FBXL13: variants seen among roughly 807,000 people sequenced by gnomAD.
FBXL13 encodes the protein F-box and leucine-rich repeat protein 13.
In FBXL13, 67 loss-of-function variants were observed where a neutral mutation model predicts 83.6. The ratio of observed to expected loss-of-function variants is 0.80; its 90% CI spans 0.66 to 0.98. FBXL13 has a LOEUF of 0.98. Ranked by LOEUF, FBXL13 falls within the 50% of genes least tolerant of loss-of-function variation. The pLI is 0.00. For missense variants in FBXL13, 822 were observed against 866.5 expected (o/e 0.95, Z 0.64); for synonymous variants, 272 against 299.5 (o/e 0.91, Z 0.95).
intron 6 of FBXL13, among the ~76,000 whole-genome samples, chr7:102,979,682 G>A (rs1361241885): frequency 1.3e-5 from 2 of 152,178 alleles, no homozygotes; most frequent in African/African-American, 4.8e-5. Flanking sequence ...GGTGGTGAGT[G>A]TACAGTTGCT....
chr7:103,032,165 C>A (rs1341769681), intron 2 of FBXL13, among the ~76,000 whole-genome samples: 3 of 152,156 alleles, frequency 2.0e-5, no homozygotes, highest in Non-Finnish European at 4.4e-5. Context: ...AGCATGATTA[C>A]AACCCAGTCC....
chr7:102,844,755 G>A (rs1341304196), intron 17 of FBXL13, among the ~76,000 whole-genome samples: 1 of 152,126 alleles, frequency 6.6e-6, no homozygotes, highest in Admixed American at 6.5e-5. Flanking sequence ...CAGGTTAAGA[G>A]CCCAATCCCA....
chr7:102,926,956 A>G (rs1818257355), intron 9 of FBXL13, among the ~76,000 whole-genome samples: 2 of 152,202 alleles, frequency 1.3e-5, no homozygotes, highest in African/African-American at 4.8e-5. Context: ...AATAGAGGCT[A>G]CATACCAGTT....
intron 11 of FBXL13, 90 bp from the exon 13 acceptor site, chr7:102,884,402 G>A (rs986617918): frequency 2.3e-6 from 2 of 888,022 alleles, no homozygotes; most frequent in African/African-American, 1.7e-5. Context: ...CCATAATTTT[G>A]TTACTATGTT....
At chr7:102,844,606 C>T (rs945318885) in intron 17 of FBXL13, among the ~76,000 whole-genome samples, 3 of 152,154 alleles carry the variant, frequency 2.0e-5, no homozygotes, top group African/African-American at 7.2e-5. Flanking sequence ...AGTCACACCA[C>T]TCTCAATACT....
chr7:102,836,441 C>G (rs564404795), intron 17 of FBXL13, among the ~76,000 whole-genome samples: 1 of 152,184 alleles, frequency 6.6e-6, no homozygotes, highest in East Asian at 1.9e-4. Flanking sequence ...CATTTCCCCC[C>G]TACAGATAAG....
At chr7:103,034,636 A>T (rs1320769677) in intron 2 of FBXL13, among the ~76,000 whole-genome samples, 1 of 152,208 alleles carries the variant, frequency 6.6e-6, no homozygotes, top group Non-Finnish European at 1.5e-5. Context: ...TGGCCAGCCC[A>T]GAAAGGGGAT....
At chr7:103,023,193 G>A (rs1166433159) in intron 6 of FBXL13, among the ~76,000 whole-genome samples, 6 of 152,082 alleles carry the variant, frequency 3.9e-5, no homozygotes, top group East Asian at 1.9e-4. Flanking sequence ...GGAGAATGCC[G>A]TGAAACCGGG....
intron 9 of FBXL13, among the ~76,000 whole-genome samples, chr7:102,927,649 T>C (rs1818377130): frequency 6.6e-6 from 1 of 152,176 alleles, no homozygotes; most frequent in African/African-American, 2.4e-5. Flanking sequence ...GTGATTCTGC[T>C]ATAGGGAAGG....
At chr7:102,971,452 C>G (rs1471256713) in intron 6 of FBXL13, among the ~76,000 whole-genome samples, 1 of 151,922 alleles carries the variant, frequency 6.6e-6, no homozygotes, top group Non-Finnish European at 1.5e-5. Flanking sequence ...ACAAAATTAG[C>G]CAGGCGTGGT....
intron 1 of FBXL13, among the ~76,000 whole-genome samples, chr7:103,074,023 C>T (rs546363677): frequency 2.2e-4 from 33 of 152,318 alleles, no homozygotes; most frequent in African/African-American, 7.9e-4. Flanking sequence ...ACCCCCAAAC[C>T]TACAAAACCT....
At chr7:102,856,903 A>G (rs1218005777) in intron 16 of FBXL13, among the ~76,000 whole-genome samples, 3 of 152,190 alleles carry the variant, frequency 2.0e-5, no homozygotes, top group Admixed American at 2.0e-4. Flanking sequence ...TATACCCAAA[A>G]ACAGTGAAAA....
intron 4 of FBXL13, among the ~76,000 whole-genome samples, chr7:103,027,914 G>T (rs1794119117): frequency 6.6e-6 from 1 of 152,098 alleles, no homozygotes; most frequent in Non-Finnish European, 1.5e-5. Flanking sequence ...CAATGCCTTT[G>T]AATTTAATTT....
At chr7:102,941,925 TCTA>T (rs1265194562) in intron 8 of FBXL13, among the ~76,000 whole-genome samples, 3 of 152,154 alleles carry the variant, frequency 2.0e-5, no homozygotes, top group Admixed American at 6.5e-5. Flanking sequence ...TTGCCTTGCT[TCTA>T]CTGATGTTTT....
chr7:103,024,857 A>ATATATATATATATTT (rs1298384907), intron 6 of FBXL13, among the ~76,000 whole-genome samples: 2 of 62,852 alleles, frequency 3.2e-5, no homozygotes, highest in African/African-American at 1.8e-4. Flanking sequence ...ATATATATAT[A>ATATATATATATATTT]TTTTTTTTTT....
At chr7:102,827,780 G>T (rs1409495007) in intron 18 of FBXL13, among the ~76,000 whole-genome samples, 1 of 151,960 alleles carries the variant, frequency 6.6e-6, no homozygotes, top group Admixed American at 6.6e-5. Flanking sequence ...TGCAGTGTTT[G>T]GTTTTTTGTC....
chr7:102,877,685 G>T, intron 15 of FBXL13, 92 bp from the exon 17 acceptor site: 1 of 1,308,316 alleles, frequency 7.6e-7, no homozygotes, highest in Non-Finnish European at 1.0e-6. Flanking sequence ...GAAAACAAAT[G>T]GTATTGAAGC....
intron 10 of FBXL13, among the ~76,000 whole-genome samples, chr7:102,916,561 G>T (rs969804052): frequency 6.6e-6 from 1 of 152,188 alleles, no homozygotes; most frequent in Non-Finnish European, 1.5e-5. Flanking sequence ...ACTTAAAGCT[G>T]CTAGGGACGG....
At chr7:102,998,052 T>C (rs1048724910) in intron 6 of FBXL13, among the ~76,000 whole-genome samples, 1 of 152,228 alleles carries the variant, frequency 6.6e-6, no homozygotes, top group African/African-American at 2.4e-5. Flanking sequence ...TGTTCCCCTT[T>C]CTCTGCATCC....
Sources: allele counts gnomAD v4.1 joint callset (sites outside exome capture counted in the v4.1 genomes callset), GRCh38; gene constraint gnomAD v4.1.1; transcripts MANE v1.5; gene names NCBI Gene and HGNC (gene_info 2026-07-23, HGNC 2026-07-21).